The following CFAP47 variants were observed in gnomAD, a reference collection of about 807,000 sequenced individuals.
CFAP47 encodes the protein cilia and flagella associated protein 47.
CFAP47 carries 29 observed loss-of-function variants against 148.1 expected under a neutral mutation model. The ratio of observed to expected loss-of-function variants is 0.20; its 90% CI spans 0.15 to 0.27. CFAP47 has a LOEUF of 0.27. Among genes scored for constraint, CFAP47 ranks in the 10% least tolerant of loss-of-function variants. CFAP47 has a pLI of 1.00. For missense variants in CFAP47, 1,872 were observed against 1,697.5 expected, an observed-to-expected ratio of 1.10 and a Z score of -1.81; for synonymous variants, 664 against 577.3, an observed-to-expected ratio of 1.15 and a Z score of -2.15.
At chrX:36,315,703 G>A (rs1319526794) in intron 56 of CFAP47, among the ~76,000 whole-genome samples, 2 of 111,903 alleles carry the variant, frequency 1.8e-5, no homozygotes, top group Non-Finnish European at 3.8e-5. Flanking sequence ...ATGACAGGAA[G>A]TGGTGGAAAA....
At chrX:36,182,810 A>G in intron 40 of CFAP47, among the ~76,000 whole-genome samples, 1 of 111,226 alleles carries the variant, frequency 9.0e-6, no homozygotes, top group Non-Finnish European at 1.9e-5. Flanking sequence ...GTTTTCTCAA[A>G]TGTTCCTGTT....
intron 21 of CFAP47, among the ~76,000 whole-genome samples, chrX:36,014,341 T>C (rs932953957): frequency 5.4e-5 from 6 of 111,744 alleles, no homozygotes; most frequent in Middle Eastern, 4.5e-3. Flanking sequence ...TTTTGACTTA[T>C]ACTTTTATTT....
At chrX:36,260,247 A>AAGGGATAT (rs200395511) in intron 49 of CFAP47, among the ~76,000 whole-genome samples, 1,163 of 112,008 alleles carry the variant, frequency 0.01, 10 homozygotes, top group Non-Finnish European at 0.016. Context: ...ATATATGCCA[A>AAGGGATAT]ATAGTGGGAT....
chrX:35,952,475 A>G (rs950359569), intron 6 of CFAP47, among the ~76,000 whole-genome samples: 2 of 112,140 alleles, frequency 1.8e-5, no homozygotes, highest in African/African-American at 6.5e-5. Flanking sequence ...AATTCCATGA[A>G]CTTTGTTTTG....
rs200940583 is a variant in CFAP47 at position 36,313,660 on chromosome X, T to TA, written c.8344+2680dup. Among the ~76,000 whole-genome samples the TA allele has an allele frequency of 7.7e-3, 857 of 110,687 alleles. 25 individuals are homozygous for TA. In the East Asian group the frequency reaches 0.15, roughly 19 times the overall value. ...AATTTTCTTACAGATTCTACAGAAT[T>TA]AAAAAAAAATTCTTAGGCAAGTTGA... On this transcript the variant is annotated intron_variant, in intron 56 of 63. Transcript: ENST00000378653.
At position 35,975,821 on chromosome X, in the gene CFAP47, G is replaced by C. The variant is rs769630787; in HGVS notation, c.2621G>C (p.Arg874Thr). 3 of 1,208,431 alleles carry C rather than the reference G, an allele frequency of 2.5e-6. No individual in the cohort carries two copies. The highest frequency in any genetic ancestry group is 4.4e-5 in the Admixed American group (2 of 45,693). ...FMKTCFRGTV[R>T]LYNRQNCCAQ... ...AAAACATGTTTTCGGGGGACAGTTA[G>C]ATTGTATAATCGTCAGAATTGTTGT... The change falls in exon 15 of 64, where the codon AGA (arginine) becomes ACA (threonine). Residue 874 changes from arginine to threonine, a missense_variant. Physicochemically the swap from Arg to Thr is moderately conservative, Grantham distance 71. Coordinates refer to ENST00000378653, the MANE Select transcript of CFAP47 (RefSeq NM_001304548.2).
At chrX:36,207,833 G>A (rs1207259502) in intron 45 of CFAP47, among the ~76,000 whole-genome samples, 7 of 111,380 alleles carry the variant, frequency 6.3e-5, no homozygotes, top group African/African-American at 2.3e-4. Flanking sequence ...AGCTAAGCAG[G>A]AGACCTGCTA....
At chrX:35,994,543 A>C (rs1285540398) in intron 18 of CFAP47, among the ~76,000 whole-genome samples, 1 of 111,429 alleles carries the variant, frequency 9.0e-6, no homozygotes, top group African/African-American at 3.3e-5. Flanking sequence ...TATAATAAAA[A>C]CTGATTTCCC....
chrX:35,987,551 G>A (rs950962704), intron 15 of CFAP47, among the ~76,000 whole-genome samples: 24 of 111,806 alleles, frequency 2.1e-4, no homozygotes, highest in Non-Finnish European at 4.1e-4. Context: ...GGGCTCTGTG[G>A]GGGTGGAATC....
At chrX:36,240,180 A>T (rs1940524523) in intron 48 of CFAP47, among the ~76,000 whole-genome samples, 1 of 111,924 alleles carries the variant, frequency 8.9e-6, no homozygotes, top group Non-Finnish European at 1.9e-5. Context: ...TTACATAAAA[A>T]GTAGTTTTCA....
intron 30 of CFAP47, among the ~76,000 whole-genome samples, chrX:36,090,012 C>A (rs1938157687): frequency 1.8e-5 from 2 of 111,587 alleles, no homozygotes; most frequent in African/African-American, 6.5e-5. Flanking sequence ...CTTGTGATAT[C>A]ACTATCACTG....
rs1308988753 is a variant in CFAP47, at chrX:36,314,596, T to C, written c.8344+3607T>C. On this transcript the variant is annotated intron_variant, in intron 56 of 63. Transcript: ENST00000378653. ...TCCATATAGCTTATGGTTCTCAATG[T>C]ACAGAGAAACCTTTAGGCTGAACTT... is the stretch of plus-strand genomic sequence containing the variant. 5.4e-5 allele frequency among the ~76,000 whole-genome samples: 6 copies of C among 111,690 alleles called. No homozygotes were observed. The East Asian group carries it at 1.7e-3, about 31-fold the overall frequency.
intron 26 of CFAP47, among the ~76,000 whole-genome samples, chrX:36,051,661 T>C (rs73468975): frequency 7.2e-4 from 80 of 111,732 alleles, no homozygotes; most frequent in African/African-American, 2.5e-3. Flanking sequence ...GATGAGACTT[T>C]GACTGTGGAA....
chrX:36,064,148 T>A (rs1159199931), intron 26 of CFAP47, among the ~76,000 whole-genome samples: 1 of 112,665 alleles, frequency 8.9e-6, no homozygotes, highest in Non-Finnish European at 1.9e-5. Context: ...CTAAAATTAT[T>A]GGTTAAATAT....
chrX:36,328,331 G>A (rs376464723), intron 57 of CFAP47, among the ~76,000 whole-genome samples: 5 of 111,631 alleles, frequency 4.5e-5, no homozygotes, highest in East Asian at 5.7e-4. Flanking sequence ...AATAGGAAGC[G>A]TATTATGTTT....
At chrX:36,079,198 A>G (rs886310912) in intron 29 of CFAP47, among the ~76,000 whole-genome samples, 3 of 110,595 alleles carry the variant, frequency 2.7e-5, no homozygotes, top group Non-Finnish European at 5.7e-5. Flanking sequence ...TGTTCTCTGT[A>G]TTTCCTGAAT....
chrX:36,149,587 T>A (rs945348579), intron 37 of CFAP47, among the ~76,000 whole-genome samples: 3 of 88,381 alleles, frequency 3.4e-5, no homozygotes, highest in African/African-American at 1.3e-4. Flanking sequence ...ATATATATTT[T>A]ATTTATTTAT....
At chrX:36,368,569 C>T (rs1222909100) in intron 62 of CFAP47, among the ~76,000 whole-genome samples, 1 of 111,093 alleles carries the variant, frequency 9.0e-6, no homozygotes, top group African/African-American at 3.3e-5. Flanking sequence ...GACTATATGA[C>T]CTGGAATTTC....
intron 49 of CFAP47, among the ~76,000 whole-genome samples, chrX:36,261,001 G>A (rs782015785): frequency 9.0e-6 from 1 of 111,316 alleles, no homozygotes; most frequent in African/African-American, 3.3e-5. Context: ...CTTTGTCAAA[G>A]ATCAGATAGC....
Sources: gnomAD v4.1 joint callset for allele counts (sites outside exome capture counted in the v4.1 genomes callset) on GRCh38, gnomAD v4.1.1 for gene constraint, MANE v1.5 for transcripts, NCBI Gene and HGNC (gene_info 2026-07-23, HGNC 2026-07-21) for gene names.